Variants in EFHC2 observed in about 807,000 individuals in gnomAD.
The protein encoded by EFHC2 is EF-hand domain-containing family member C2.
EFHC2 carries 18 observed loss-of-function variants against 52.7 expected under a neutral mutation model. The observed-to-expected ratio is 0.34, with a 90% CI of 0.24 to 0.51. The LOEUF (loss-of-function observed/expected upper bound fraction) is 0.51, where lower values mean the gene tolerates loss of function less well. Among genes scored for constraint, EFHC2 ranks in the 20% least tolerant of loss-of-function variants. The pLI is 0.97. For synonymous variants in EFHC2, 203 were observed against 204.1 expected (o/e 0.99, Z 0.04); for missense variants, 513 against 562.5 (o/e 0.91, Z 0.89).
chrX:44,152,746 A>ACACG (rs1680251454), intron 14 of EFHC2, among the ~76,000 whole-genome samples: 1 of 110,875 alleles, frequency 9.0e-6, no homozygotes. Flanking sequence ...ACACACACAC[A>ACACG]CACACACACA....
chrX:44,170,690 A>G (rs990793722), intron 13 of EFHC2, among the ~76,000 whole-genome samples: 2 of 110,272 alleles, frequency 1.8e-5, no homozygotes, highest in Non-Finnish European at 3.8e-5. Context: ...TGTGCTTTCC[A>G]TAAAAAAAAA....
At chrX:44,193,881 T>C (rs1294115622) in intron 11 of EFHC2, among the ~76,000 whole-genome samples, 1 of 111,568 alleles carries the variant, frequency 9.0e-6, no homozygotes, top group African/African-American at 3.3e-5. Context: ...GGGATAGGTG[T>C]TTGGTAGGAA....
intron 4 of EFHC2, among the ~76,000 whole-genome samples, chrX:44,256,505 AT>A (rs923165779): frequency 8.9e-6 from 1 of 112,064 alleles, no homozygotes; most frequent in African/African-American, 3.2e-5. Context: ...AGAGAATATT[AT>A]AAACACCTCT....
chrX:44,223,505 C>A, intron 11 of EFHC2, among the ~76,000 whole-genome samples: 1 of 104,298 alleles, frequency 9.6e-6, no homozygotes, highest in African/African-American at 3.5e-5. Flanking sequence ...TAATAAATTC[C>A]TTTTTTTTTT....
In EFHC2 at chrX:44,271,622, A is replaced by T. The variant is rs780704702; in HGVS notation, c.382+1064T>A. 2.4e-4 allele frequency among the ~76,000 whole-genome samples: 27 copies of T among 110,846 alleles called. No individual in the cohort carries two copies. The South Asian group carries it at 4.3e-3, about 18-fold the overall frequency. ...CATACTTCCAGCAGGCTGTCAGTGA[A>T]AAACCACCCCTGACCTGCCCCCAGG... On this transcript the variant is annotated intron_variant, in intron 3 of 14. Transcript: ENST00000420999.
At chrX:44,273,788 TC>T (rs1034848620) in intron 2 of EFHC2, among the ~76,000 whole-genome samples, 1 of 111,719 alleles carries the variant, frequency 9.0e-6, no homozygotes, top group African/African-American at 3.3e-5. Flanking sequence ...CTGTGAGAGC[TC>T]CATTTAAATA....
intron 3 of EFHC2, among the ~76,000 whole-genome samples, chrX:44,267,266 A>G (rs1464394856): frequency 2.7e-5 from 3 of 112,160 alleles, no homozygotes; most frequent in African/African-American, 9.7e-5. Context: ...TCCAGCAGAA[A>G]AGCAACACGT....
At chrX:44,342,824 C>A (rs1251660703) in intron 1 of EFHC2, among the ~76,000 whole-genome samples, 2 of 97,165 alleles carry the variant, frequency 2.1e-5, no homozygotes, top group Non-Finnish European at 4.0e-5. Flanking sequence ...TGCAGTGAGC[C>A]GAGATCGGGT....
Position 44,250,156 on chromosome X carries a change from C to T in EFHC2, c.858+38G>A. On this transcript the variant is annotated intron_variant, in intron 5 of 14. Coordinates refer to ENST00000420999, the MANE Select transcript of EFHC2 (RefSeq NM_025184.4). The stretch of plus-strand genomic sequence containing the variant: ...TCCAAACAGTGACTAGTCTCTTGAC[C>T]CACAAGCAAATTCAAAGTGGTTATA... The T allele has an allele frequency of 3.4e-6, 4 of 1,188,642 alleles. No individual in the cohort carries two copies. The East Asian group carries it at 1.2e-4, about 35-fold the overall frequency.
intron 11 of EFHC2, among the ~76,000 whole-genome samples, chrX:44,211,812 C>T (rs1244964029): frequency 1.1e-5 from 1 of 94,182 alleles, no homozygotes; most frequent in Non-Finnish European, 2.0e-5. Flanking sequence ...GTGGAGCTTG[C>T]AGTCAGCCGA....
intron 14 of EFHC2, among the ~76,000 whole-genome samples, chrX:44,150,293 A>G (rs1383581459): frequency 8.9e-6 from 1 of 111,822 alleles, no homozygotes; most frequent in Non-Finnish European, 1.9e-5. Flanking sequence ...GATGAAAAAC[A>G]GTTCAGCAGA....
chrX:44,334,444 T>C (rs1569310745), intron 1 of EFHC2, among the ~76,000 whole-genome samples: 1 of 112,260 alleles, frequency 8.9e-6, no homozygotes, highest in Non-Finnish European at 1.9e-5. Context: ...AGCAATCCCA[T>C]ACCACCAAAA....
intron 11 of EFHC2, among the ~76,000 whole-genome samples, chrX:44,224,023 C>T (rs1002722994): frequency 8.9e-6 from 1 of 111,821 alleles, no homozygotes; most frequent in African/African-American, 3.2e-5. Flanking sequence ...AATTTGCTTC[C>T]GTGAAGTAAA....
chrX:44,277,955 C>T (rs1487693909), intron 2 of EFHC2, among the ~76,000 whole-genome samples: 1 of 110,935 alleles, frequency 9.0e-6, no homozygotes, highest in Admixed American at 9.5e-5. Flanking sequence ...GGCAAATTTG[C>T]AATCTGGGGT....
intron 13 of EFHC2, among the ~76,000 whole-genome samples, chrX:44,169,404 T>C (rs2036725278): frequency 9.0e-6 from 1 of 110,973 alleles, no homozygotes; most frequent in South Asian, 3.9e-4. Flanking sequence ...GCCTACTGGG[T>C]AACTGCGACT....
At chrX:44,239,820 G>A (rs1376011501) in intron 8 of EFHC2, among the ~76,000 whole-genome samples, 1 of 111,718 alleles carries the variant, frequency 9.0e-6, no homozygotes, top group Non-Finnish European at 1.9e-5. Flanking sequence ...AAAGAACAGA[G>A]TAACTAATTC....
intron 10 of EFHC2, among the ~76,000 whole-genome samples, chrX:44,230,233 G>A (rs775192192): frequency 5.2e-4 from 58 of 111,459 alleles, no homozygotes; most frequent in African/African-American, 1.8e-3. Context: ...GCAAGGCTGG[G>A]TATCAAAGAT....
At chrX:44,252,288 CTGT>C (rs1294496980) in intron 4 of EFHC2, among the ~76,000 whole-genome samples, 1 of 111,686 alleles carries the variant, frequency 9.0e-6, no homozygotes, top group African/African-American at 3.3e-5. Flanking sequence ...CCAAATAGGA[CTGT>C]TATATAAGGA....
intron 11 of EFHC2, among the ~76,000 whole-genome samples, chrX:44,228,260 C>T (rs2037247838): frequency 8.9e-6 from 1 of 112,008 alleles, no homozygotes; most frequent in African/African-American, 3.2e-5. Flanking sequence ...ATCTGCAAAG[C>T]AACTTTTCCT....
Sources: allele counts gnomAD v4.1 joint callset (sites outside exome capture counted in the v4.1 genomes callset), GRCh38; gene constraint gnomAD v4.1.1; transcripts MANE v1.5; gene names NCBI Gene and HGNC (gene_info 2026-07-23, HGNC 2026-07-21).